CSMD2: variants seen among roughly 807,000 people sequenced by gnomAD.
CSMD2 encodes the protein CUB and sushi domain-containing protein 2.
Under a neutral mutation model 398.5 loss-of-function variants are expected in CSMD2, and 130 were observed. The observed-to-expected ratio is 0.33, with a 90% CI of 0.28 to 0.38. The LOEUF (loss-of-function observed/expected upper bound fraction) is 0.38. CSMD2 is among the 10% of genes least tolerant of loss of function. The pLI, the probability that CSMD2 is intolerant of heterozygous loss-of-function variation, is 1.00. For missense variants in CSMD2, 3,829 were observed against 4,764.9 expected (o/e 0.80, Z 5.78); for synonymous variants, 1,828 against 1,908.5 (o/e 0.96, Z 1.10).
At chr1:33,571,843 T>C (rs2148695948) in intron 50 of CSMD2, 117 bp from the exon 51 acceptor site, 1 of 750,912 alleles carries the variant, frequency 1.3e-6, no homozygotes, top group Non-Finnish European at 1.8e-6. Flanking sequence ...AATCCAGGAA[T>C]CTTCAGTTCT....
chr1:33,709,542 T>C (rs1190097056), intron 21 of CSMD2: 4 of 481,728 alleles, frequency 8.3e-6, no homozygotes, highest in African/African-American at 3.9e-5. Context: ...AGGCATCCTT[T>C]ACAATTTCTC....
intron 2 of CSMD2, among the ~76,000 whole-genome samples, chr1:34,075,697 G>A (rs986181937): frequency 2.6e-5 from 4 of 152,286 alleles, no homozygotes; most frequent in Middle Eastern, 6.8e-3. Flanking sequence ...TATTAGCAGC[G>A]TCTTCATAGA....
At chr1:33,600,102 A>C in intron 44 of CSMD2, 1 of 699,010 alleles carries the variant, frequency 1.4e-6, no homozygotes, top group East Asian at 2.7e-5. Context: ...CACAAACTCC[A>C]AGCCGGTAAT....
intron 39 of CSMD2, 110 bp downstream of exon 39, chr1:33,616,796 G>A (rs1641419899): frequency 1.3e-6 from 1 of 799,014 alleles, no homozygotes; most frequent in East Asian, 2.5e-5. Context: ...AACAAATCCA[G>A]AATATCAAAC....
chr1:34,126,589 T>G (rs1455897440), intron 1 of CSMD2, among the ~76,000 whole-genome samples: 1 of 151,908 alleles, frequency 6.6e-6, no homozygotes, highest in Non-Finnish European at 1.5e-5. Context: ...CTTTGGGATT[T>G]CTAAGAGTCC....
At chr1:33,839,489 C>A in intron 6 of CSMD2, 1 of 161,030 alleles carries the variant, frequency 6.2e-6, no homozygotes, top group South Asian at 2.0e-4. Context: ...TTGGAGCAGT[C>A]ATTGTGACCA....
At chr1:34,130,372 G>C (rs116061055) in intron 1 of CSMD2, among the ~76,000 whole-genome samples, 88 of 74,462 alleles carry the variant, frequency 1.2e-3, no homozygotes, top group African/African-American at 3.6e-3. Context: ...AAAACAGCAG[G>C]AAGAAATGTC....
intron 46 of CSMD2, among the ~76,000 whole-genome samples, chr1:33,585,461 C>A (rs1460693688): frequency 6.6e-6 from 1 of 152,164 alleles, no homozygotes; most frequent in Non-Finnish European, 1.5e-5. Context: ...CAGGATTCTG[C>A]CTGAGTAGCT....
chr1:34,143,712 G>A (rs1262941838), intron 1 of CSMD2, among the ~76,000 whole-genome samples: 1 of 152,158 alleles, frequency 6.6e-6, no homozygotes, highest in Non-Finnish European at 1.5e-5. Context: ...AGGAAGGAAG[G>A]AGGGGAAAAG....
At chr1:33,602,249 G>A in intron 43 of CSMD2, 120 bp downstream of exon 43, 1 of 1,045,040 alleles carries the variant, frequency 9.6e-7, no homozygotes, top group Non-Finnish European at 1.4e-6. Flanking sequence ...GAGGCTGACA[G>A]CCTTTAAAAA....
At chr1:34,109,509 A>G (rs552480558) in intron 1 of CSMD2, among the ~76,000 whole-genome samples, 1 of 152,314 alleles carries the variant, frequency 6.6e-6, no homozygotes, top group Non-Finnish European at 1.5e-5. Flanking sequence ...GTTGTCCCCC[A>G]GAGTTTTTAC....
At chr1:33,523,603 G>A (rs1213487034) in intron 66 of CSMD2, among the ~76,000 whole-genome samples, 184 bp from the exon 67 acceptor site, 1 of 152,122 alleles carries the variant, frequency 6.6e-6, no homozygotes, top group East Asian at 1.9e-4. Context: ...GGCTGAACGT[G>A]GTTATATGCA....
intron 4 of CSMD2, among the ~76,000 whole-genome samples, chr1:33,934,036 G>A (rs1399935765): frequency 1.3e-5 from 2 of 152,168 alleles, no homozygotes; most frequent in Admixed American, 1.3e-4. Flanking sequence ...AAGGGGAATA[G>A]GTATACATGC....
Position 33,819,771 on chromosome 1 carries a change from G to A in CSMD2, c.1266C>T (p.Thr422=), listed in dbSNP as rs1281992077. The change falls in exon 9 of 71, where the codon ACC becomes ACT. Residue 422 remains threonine, a synonymous_variant. Transcript: ENST00000373381. ...CAAACATGTCGCTCACTTTCATACAGGTGATCCGCTTGGACCCTTGCAGGT... is the reference window on the plus strand; with the variant it reads ...CAAACATGTCGCTCACTTTCATACAAGTGATCCGCTTGGACCCTTGCAGGT... ...GYDLQGSKRI[T]CMKVSDMFAA... 6.2e-7 allele frequency: 1 copy of A among 1,613,994 alleles called. No homozygotes were observed. The highest frequency in any genetic ancestry group is 1.3e-5 in the African/African-American group (1 of 74,916).
At chr1:33,696,521 G>A (rs1645424657) in intron 24 of CSMD2, among the ~76,000 whole-genome samples, 1 of 152,152 alleles carries the variant, frequency 6.6e-6, no homozygotes, top group Non-Finnish European at 1.5e-5. Context: ...GCTGGTGAGA[G>A]GATGGACTAC....
At chr1:33,945,926 C>A (rs1057373519) in intron 3 of CSMD2, among the ~76,000 whole-genome samples, 2 of 152,144 alleles carry the variant, frequency 1.3e-5, no homozygotes, top group Admixed American at 1.3e-4. Context: ...TAGTATTAGG[C>A]TTAGAATAGC....
chr1:33,850,253 C>T (rs983519581), intron 5 of CSMD2, among the ~76,000 whole-genome samples: 7 of 152,146 alleles, frequency 4.6e-5, no homozygotes, highest in African/African-American at 1.4e-4. Flanking sequence ...ACAGTTCTCC[C>T]GTCAAACAGA....
At chr1:33,894,180 A>T (rs1461812642) in intron 5 of CSMD2, among the ~76,000 whole-genome samples, 1 of 152,144 alleles carries the variant, frequency 6.6e-6, no homozygotes, top group African/African-American at 2.4e-5. Flanking sequence ...TCCAAGGGTC[A>T]CTTTTAGTGA....
intron 2 of CSMD2, among the ~76,000 whole-genome samples, chr1:34,087,220 T>C (rs1466239200): frequency 6.6e-6 from 1 of 151,968 alleles, no homozygotes; most frequent in Non-Finnish European, 1.5e-5. Context: ...GATTCAGCTC[T>C]CTGCTCATAG....
Sources: allele counts gnomAD v4.1 joint callset (sites outside exome capture counted in the v4.1 genomes callset), GRCh38; gene constraint gnomAD v4.1.1; transcripts MANE v1.5; gene names NCBI Gene and HGNC (gene_info 2026-07-23, HGNC 2026-07-21).